Variants in SERPINB5 observed in about 807,000 individuals in gnomAD.
SERPINB5 encodes the protein serpin family B member 5, also known as serpin B5.
Under a neutral mutation model 32.2 loss-of-function variants are expected in SERPINB5, and 27 were observed. That is an observed-to-expected ratio of 0.84 (90% CI 0.62 to 1.16). The LOEUF (loss-of-function observed/expected upper bound fraction) is 1.16, where lower values mean the gene tolerates loss of function less well. SERPINB5 is among the 50% of genes most tolerant of loss of function. The pLI, the probability that SERPINB5 is intolerant of heterozygous loss-of-function variation, is 0.00. For missense variants in SERPINB5, 388 were observed against 436.3 expected (o/e 0.89, Z 0.99); for synonymous variants, 154 against 157.4 (o/e 0.98, Z 0.16).
intron 6 of SERPINB5, among the ~76,000 whole-genome samples, chr18:63,502,586 C>T (rs573604632): frequency 5.7e-4 from 87 of 151,692 alleles, no homozygotes; most frequent in Admixed American, 9.9e-4. Context: ...ATTCCTAGTA[C>T]ATGAATATTC....
chr18:63,480,251 C>A (rs1917104544), intron 1 of SERPINB5, among the ~76,000 whole-genome samples: 1 of 152,218 alleles, frequency 6.6e-6, no homozygotes, highest in Admixed American at 6.5e-5. Flanking sequence ...CTTAAAACTG[C>A]ATTTGTATTA....
intron 1 of SERPINB5, among the ~76,000 whole-genome samples, chr18:63,479,501 T>C (rs1331985490): frequency 6.6e-6 from 1 of 152,186 alleles, no homozygotes; most frequent in African/African-American, 2.4e-5. Context: ...CCCACGTTTT[T>C]GCAAGGCTAA....
intron 4 of SERPINB5, among the ~76,000 whole-genome samples, chr18:63,490,358 C>T (rs1346321912): frequency 6.6e-6 from 1 of 152,030 alleles, no homozygotes; most frequent in African/African-American, 2.4e-5. Flanking sequence ...ACTCCTCGTC[C>T]CTCCCTTAAA....
At chr18:63,503,188 A>C in intron 6 of SERPINB5, 142 bp from the exon 7 acceptor site, 1 of 923,504 alleles carries the variant, frequency 1.1e-6, no homozygotes, top group Non-Finnish European at 1.6e-6. Context: ...GTCACATACC[A>C]AAAACTTCTG....
chr18:63,481,859 A>T (rs963252863), intron 1 of SERPINB5, among the ~76,000 whole-genome samples: 1 of 152,120 alleles, frequency 6.6e-6, no homozygotes, highest in Admixed American at 6.6e-5. Context: ...CTGGGGTGTG[A>T]TGTCACCTGT....
At chr18:63,491,408 A>ACCCC (rs757436524) in intron 4 of SERPINB5, among the ~76,000 whole-genome samples, 29,733 of 107,534 alleles carry the variant, frequency 0.28, 3,199 homozygotes, top group Non-Finnish European at 0.37. Context: ...GTCTCCCAAA[A>ACCCC]AAAAAAAAAA....
chr18:63,484,741 C>CTTTTTTTT lies in SERPINB5; in HGVS notation c.168+160_168+167dup, dbSNP rs869236018. 6.4e-3 allele frequency: 694 copies of CTTTTTTTT among 108,108 alleles called. 25 individuals carry two copies. The highest frequency in any genetic ancestry group is 0.013 in the South Asian group (68 of 5,382). The allele number at this position is 108,108 out of a possible 1,614,324, so 6.7% of individuals were successfully genotyped here. A position where few individuals can be genotyped will look rare whatever the true frequency, so the allele number is the denominator to read the frequency against. The stretch of plus-strand genomic sequence containing the variant: ...TGTGCCATTCCAGGACTCTCTTAAT[C>CTTTTTTTT]TTTTTTTTTTTTTTTTTTTTTTGTG... On this transcript the variant is annotated intron_variant, in intron 2 of 6. Transcript: ENST00000382771.
chr18:63,489,647 A>G (rs1340722275), intron 4 of SERPINB5, among the ~76,000 whole-genome samples, 183 bp downstream of exon 4: 1 of 152,208 alleles, frequency 6.6e-6, no homozygotes, highest in African/African-American at 2.4e-5. Flanking sequence ...TTCTTGTATC[A>G]TCTCATCACT....
At chr18:63,486,732 G>T in intron 2 of SERPINB5, 1 of 412,156 alleles carries the variant, frequency 2.4e-6, no homozygotes, top group Non-Finnish European at 4.4e-6. Flanking sequence ...GTAGGTCAGC[G>T]ATGCTGCTAA....
chr18:63,496,450 G>C (rs1909449567), intron 5 of SERPINB5, among the ~76,000 whole-genome samples: 1 of 152,148 alleles, frequency 6.6e-6, no homozygotes, highest in South Asian at 2.1e-4. Flanking sequence ...CTACAAGCTG[G>C]GGTAGAAAAT....
Position 63,504,543 on chromosome 18 carries a change from A to G in SERPINB5, c.*821A>G, listed in dbSNP as rs1162132021. The G allele has an allele frequency of 6.6e-6, 1 of 152,234 alleles. No homozygotes were observed. Among genetic ancestry groups the G allele is most frequent in the Non-Finnish European group, 1.5e-5 (1 of 68,036 alleles). The allele number at this position is 152,234 out of a possible 1,614,324, so 9.4% of individuals were successfully genotyped here. ...GTTGGATAAGGAATTATAGACCTCT[A>G]GTAGCTGAAATGCAAGACCCCAAGA... On this transcript the variant is annotated 3_prime_UTR_variant, in exon 7 of 7. Coordinates refer to ENST00000382771, the MANE Select transcript of SERPINB5 (RefSeq NM_002639.5).
Position 63,503,895 on chromosome 18 carries a change from TCCAATTCTATCTTTTGTTTCC to T in SERPINB5, c.*174_*194del. 1 of 617,132 alleles carries T rather than the reference TCCAATTCTATCTTTTGTTTCC, an allele frequency of 1.6e-6. No individual in the cohort carries two copies. The highest frequency in any genetic ancestry group is 2.8e-6 in the Non-Finnish European group (1 of 360,912). 38.2% of individuals were successfully genotyped at this position (617,132 alleles called of 1,614,324 possible). On this transcript the variant is annotated 3_prime_UTR_variant, in exon 7 of 7. Transcript: ENST00000382771. ...CACACAGATAGACCTTTTTTTTTTT[TCCAATTCTATCTTTTGTTTCC>T]TTTTTTCCCATAAGACAATGACATA...
At chr18:63,495,403 C>G (rs762431050) in intron 5 of SERPINB5, among the ~76,000 whole-genome samples, 10 of 152,222 alleles carry the variant, frequency 6.6e-5, no homozygotes, top group Admixed American at 6.5e-5. Context: ...TCCACACAGC[C>G]TTTGCTGTCA....
At chr18:63,497,491 A>C in intron 5 of SERPINB5, 10 of 321,780 alleles carry the variant, frequency 3.1e-5, no homozygotes, top group East Asian at 5.2e-5. Context: ...ATTGAACACA[A>C]CGTTTCTGAA....
intron 1 of SERPINB5, among the ~76,000 whole-genome samples, chr18:63,479,294 C>T (rs1195300196): frequency 1.3e-5 from 2 of 152,128 alleles, no homozygotes; most frequent in Non-Finnish European, 2.9e-5. Flanking sequence ...ACCCACAGGA[C>T]TTTTTTCTCA....
chr18:63,499,305 G>T lies in SERPINB5; in HGVS notation c.735+18G>T. On this transcript the variant is annotated intron_variant, in intron 6 of 6. Transcript: ENST00000382771. ...TGGAGAAGGTAAGGAGAAGGCAGGTGCTCTCCACAAAGGCACCCCCTGCCT... is the reference window on the plus strand; with the variant it reads ...TGGAGAAGGTAAGGAGAAGGCAGGTTCTCTCCACAAAGGCACCCCCTGCCT... The T allele has an allele frequency of 6.6e-7, 1 of 1,522,738 alleles. No individual in the cohort carries two copies. The highest frequency in any genetic ancestry group is 8.8e-7 in the Non-Finnish European group (1 of 1,130,992). The allele number at this position is 1,522,738 out of a possible 1,614,324, so 94.3% of individuals were successfully genotyped here.
At position 63,503,467 on chromosome 18, in the gene SERPINB5, A is replaced by C. The variant is rs1231064094; in HGVS notation, c.873A>C (p.Leu291=). Residue 291 remains leucine, a synonymous_variant, in exon 7 of 7, where the codon CTA becomes CTC. Transcript: ENST00000382771. ...ATCCCAAGGCTTGTCTGGAAAATCT[A>C]GGGCTGAAACATATCTTCAGTGAAG... ...MIDPKACLEN[L]GLKHIFSEDT... is the part of the protein sequence containing the mutation. 1 of 1,614,250 alleles carries C rather than the reference A, an allele frequency of 6.2e-7. No homozygotes were observed. The highest frequency in any genetic ancestry group is 1.1e-5 in the South Asian group (1 of 91,088).
intron 3 of SERPINB5, among the ~76,000 whole-genome samples, chr18:63,487,876 G>T (rs1767057730): frequency 6.6e-6 from 1 of 152,070 alleles, no homozygotes; most frequent in Admixed American, 6.5e-5. Flanking sequence ...ATTTTACCAT[G>T]ATTTTGCAAC....
At chr18:63,493,530 G>C in intron 5 of SERPINB5, 1 of 317,700 alleles carries the variant, frequency 3.1e-6, no homozygotes, top group Non-Finnish European at 5.7e-6. Flanking sequence ...TGATAGCGAA[G>C]TATATTGTTC....
Sources: allele counts gnomAD v4.1 joint callset (sites outside exome capture counted in the v4.1 genomes callset), GRCh38; gene constraint gnomAD v4.1.1; transcripts MANE v1.5; gene names NCBI Gene and HGNC (gene_info 2026-07-23, HGNC 2026-07-21).